Variants in NDRG1 observed in about 807,000 individuals in gnomAD.
NDRG1 encodes protein NDRG1.
In NDRG1, 32 loss-of-function variants were observed where a neutral mutation model predicts 56.9. The observed-to-expected ratio is 0.56, with a 90% CI of 0.42 to 0.76. The LOEUF is 0.76. Ranked by LOEUF, NDRG1 falls within the 30% of genes least tolerant of loss-of-function variation. The pLI, the probability that NDRG1 is intolerant of heterozygous loss-of-function variation, is 0.00. For missense variants in NDRG1, 507 were observed against 545.7 expected (o/e 0.93, Z 0.71); for synonymous variants, 211 against 204.1 (o/e 1.03, Z -0.29).
chr8:133,249,045 C>T (rs1855862666), intron 10 of NDRG1, among the ~76,000 whole-genome samples: 1 of 152,162 alleles, frequency 6.6e-6, no homozygotes, highest in Admixed American at 6.5e-5. Flanking sequence ...GAGTAGAAGT[C>T]AGATTCTCCA....
chr8:133,238,341 A>T lies in NDRG1; in HGVS notation c.*537T>A, dbSNP rs1855173931. 1 of 234,726 alleles carries T rather than the reference A, an allele frequency of 4.3e-6. No individual in the cohort carries two copies. 14.5% of individuals were successfully genotyped at this position (234,726 alleles called of 1,614,324 possible). A position where few individuals can be genotyped will look rare whatever the true frequency, so the allele number is the denominator to read the frequency against. ...CCAAATGCCTCTAGCCTCGACATGA[A>T]TCCCACCTTTTCCCCCTTCCTGTTT... On this transcript the variant is annotated 3_prime_UTR_variant, in exon 16 of 16. Coordinates refer to ENST00000323851, the MANE Select transcript of NDRG1 (RefSeq NM_006096.4).
At position 133,264,587 on chromosome 8, in the gene NDRG1, G is replaced by C. The variant is rs368056707; in HGVS notation, c.165C>G (p.Asn55Lys). Residue 55 changes from asparagine (N) to lysine (K), a missense_variant, in exon 4 of 16, where the codon AAC becomes AAG. By Grantham distance (94) the Asn-to-Lys change is moderately conservative. Coordinates refer to ENST00000323851, the MANE Select transcript of NDRG1 (RefSeq NM_006096.4). Reference sequence around the variant, plus strand: ...CATGGTAGGTGAGGATGACAGGCCGGTTTCCCTTGGGAGTCCCACACAGCG... The same window carrying C: ...CATGGTAGGTGAGGATGACAGGCCGCTTTCCCTTGGGAGTCCCACACAGCG... ...HVTLCGTPKG[N>K]RPVILTYHDI... is the part of the protein sequence containing the mutation. 1 of 1,614,088 alleles carries C rather than the reference G, an allele frequency of 6.2e-7. No homozygotes were observed. Among genetic ancestry groups the C allele is most frequent in the Non-Finnish European group, 8.5e-7 (1 of 1,180,052 alleles).
intron 2 of NDRG1, among the ~76,000 whole-genome samples, chr8:133,281,655 G>A (rs947120505): frequency 6.6e-6 from 1 of 152,138 alleles, no homozygotes; most frequent in East Asian, 1.9e-4. Flanking sequence ...ATGCAAAAGC[G>A]ATGAGGGGAA....
At chr8:133,265,124 A>C in intron 3 of NDRG1, 2 of 232,616 alleles carry the variant, frequency 8.6e-6, no homozygotes, top group Non-Finnish European at 8.7e-6. Flanking sequence ...CCCAACCCTC[A>C]CCCTCAGTCC....
In NDRG1 at chr8:133,256,794, C is replaced by T; in HGVS notation, c.520G>A (p.Asp174Asn). Residue 174 changes from aspartate (D) to asparagine (N), a missense_variant, in exon 8 of 16, where the codon GAC becomes AAC. Asp to Asn is a conservative substitution (Grantham distance 23). Transcript: ENST00000323851. ...CACCTCACCTTGGAGGCGGCCCAGT[C>T]CATCCAGCCTTCCGCACAAGGGTTC... ...NVNPCAEGWM[D>N]WAASKISGWT... is the part of the protein sequence containing the mutation. 6.2e-7 allele frequency: 1 copy of T among 1,614,194 alleles called. No homozygotes were observed. Among genetic ancestry groups the T allele is most frequent in the Non-Finnish European group, 8.5e-7 (1 of 1,180,036 alleles).
intron 8 of NDRG1, chr8:133,255,119 A>G (rs1388972054): frequency 3.7e-5 from 13 of 347,304 alleles, no homozygotes; most frequent in Admixed American, 1.2e-4. Flanking sequence ...CAGGAGCTCT[A>G]TAAGTCCTAG....
chr8:133,272,066 T>G (rs756245063), intron 3 of NDRG1, among the ~76,000 whole-genome samples: 1 of 152,190 alleles, frequency 6.6e-6, no homozygotes, highest in Non-Finnish European at 1.5e-5. Context: ...CCTCACACAA[T>G]GGAAGACCTT....
chr8:133,248,236 G>A (rs923599224), intron 11 of NDRG1, among the ~76,000 whole-genome samples: 1 of 152,166 alleles, frequency 6.6e-6, no homozygotes, highest in Admixed American at 6.5e-5. Flanking sequence ...CAGCATGAAG[G>A]ACAAAGGCAA....
At chr8:133,284,526 G>A (rs1857992641) in intron 1 of NDRG1, among the ~76,000 whole-genome samples, 197 bp from the exon 2 acceptor site, 1 of 152,178 alleles carries the variant, frequency 6.6e-6, no homozygotes, top group Non-Finnish European at 1.5e-5. Flanking sequence ...TCCCATTGGG[G>A]CCAGCGCAGT....
In NDRG1 at chr8:133,254,636, A is replaced by G. The variant is rs1364933503; in HGVS notation, c.538-41T>C. The stretch of plus-strand genomic sequence containing the variant: ...GTGGGTGGATGAGAAACCAGGAGCT[A>G]ACAGTAGTTAACAAGGTCAGCAAAA... On this transcript the variant is annotated intron_variant, in intron 8 of 15. Coordinates refer to ENST00000323851, the MANE Select transcript of NDRG1 (RefSeq NM_006096.4). The G allele has an allele frequency of 3.1e-6, 5 of 1,601,196 alleles. No homozygotes were observed. The Admixed American group carries it at 8.5e-5, about 27-fold the overall frequency.
chr8:133,288,643 C>T (rs1345207946), intron 1 of NDRG1, among the ~76,000 whole-genome samples: 2 of 152,176 alleles, frequency 1.3e-5, no homozygotes. Flanking sequence ...AATGTTGGGA[C>T]CCACTAGAAA....
In NDRG1 at chr8:133,284,337, G is replaced by C. The variant is rs369183495; in HGVS notation, c.-18-8C>G. On this transcript the variant is annotated splice_region_variant and splice_polypyrimidine_tract_variant and intron_variant, in intron 1 of 15. Coordinates refer to ENST00000323851, the MANE Select transcript of NDRG1 (RefSeq NM_006096.4). ...GTCCCTGCTGTCACCTGCCTGCAAG[G>C]AGACAAAGGCCAAAAGGTCAACACT... 12 of 1,614,036 alleles carry C rather than the reference G, an allele frequency of 7.4e-6. No individual in the cohort carries two copies. In the African/African-American group the frequency reaches 1.6e-4, roughly 22 times the overall value.
intron 6 of NDRG1, 125 bp downstream of exon 6, chr8:133,259,043 C>G (rs1856529491): frequency 2.1e-6 from 2 of 946,712 alleles, no homozygotes; most frequent in Admixed American, 3.4e-5. Context: ...GAGCTAATTT[C>G]TTGCCTCATC....
intron 7 of NDRG1, among the ~76,000 whole-genome samples, chr8:133,257,211 C>A (rs1856422652): frequency 6.6e-6 from 1 of 152,104 alleles, no homozygotes; most frequent in Non-Finnish European, 1.5e-5. Flanking sequence ...TCAAACAAGG[C>A]GCACAGCACA....
In NDRG1 at chr8:133,265,026, T is replaced by C. The variant is rs986817221; in HGVS notation, c.100-374A>G. 16 of 322,528 alleles carry C rather than the reference T, an allele frequency of 5.0e-5. No individual in the cohort carries two copies. In the Admixed American group the frequency reaches 6.0e-4, roughly 12 times the overall value. The allele number at this position is 322,528 out of a possible 1,614,324, so 20.0% of individuals were successfully genotyped here. A position where few individuals can be genotyped will look rare whatever the true frequency, so the allele number is the denominator to read the frequency against. On this transcript the variant is annotated intron_variant, in intron 3 of 15. Transcript: ENST00000323851. ...GCCCCACTGGCCCCACAGGTTACTG[T>C]ACCTGTGACTAACATCTGCTGGCTT...
rs188315019 is a variant in NDRG1, at chr8:133,279,423, T to C, written c.99+809A>G. Among the ~76,000 whole-genome samples, 247 of 151,604 alleles carry C rather than the reference T, an allele frequency of 1.6e-3. 1 individual carries two copies. The highest frequency in any genetic ancestry group is 2.5e-3 in the Non-Finnish European group (170 of 67,898). ...CAGAGATTCAAGAGGAAAAGCGGAG[T>C]TGTTTTGAGGTAAGGAGGTAGAATA... On this transcript the variant is annotated intron_variant, in intron 3 of 15. Transcript: ENST00000323851.
intron 9 of NDRG1, among the ~76,000 whole-genome samples, chr8:133,251,042 T>C (rs1365540854): frequency 2.0e-5 from 3 of 152,116 alleles, no homozygotes; most frequent in Non-Finnish European, 4.4e-5. Context: ...TGTTTTCCAA[T>C]GGGAAGAGCT....
At chr8:133,261,599 C>G (rs1460906048) in intron 5 of NDRG1, among the ~76,000 whole-genome samples, 1 of 152,230 alleles carries the variant, frequency 6.6e-6, no homozygotes. Context: ...ATCAATGTTA[C>G]TTCTCTCCCT....
intron 2 of NDRG1, among the ~76,000 whole-genome samples, chr8:133,282,030 G>A (rs1857836571): frequency 6.6e-6 from 1 of 152,152 alleles, no homozygotes; most frequent in Non-Finnish European, 1.5e-5. Context: ...TCAATCTAAG[G>A]AATTGAAAGA....
Sources: allele counts gnomAD v4.1 joint callset (sites outside exome capture counted in the v4.1 genomes callset), GRCh38; gene constraint gnomAD v4.1.1; transcripts MANE v1.5; gene names NCBI Gene and HGNC (gene_info 2026-07-23, HGNC 2026-07-21).